The following ADARB2 variants were observed in gnomAD, a reference collection of about 807,000 sequenced individuals.
ADARB2 encodes the protein adenosine deaminase RNA specific B2 (inactive), also known as inactive double-stranded RNA-specific editase B2.
In ADARB2, 25 loss-of-function variants were observed where a neutral mutation model predicts 62.2. The ratio of observed to expected loss-of-function variants is 0.40; its 90% CI spans 0.29 to 0.56. ADARB2 has a LOEUF of 0.56. ADARB2 is among the 20% of genes least tolerant of loss of function. ADARB2 has a pLI of 0.43. For synonymous variants in ADARB2, 572 were observed against 500.8 expected, an observed-to-expected ratio of 1.14 and a Z score of -1.90; for missense variants, 1,071 against 1,077.4, an observed-to-expected ratio of 0.99 and a Z score of 0.08.
At chr10:1,546,249 C>T (rs1355225793) in intron 1 of ADARB2, among the ~76,000 whole-genome samples, 3 of 152,224 alleles carry the variant, frequency 2.0e-5, no homozygotes, top group Non-Finnish European at 4.4e-5. Flanking sequence ...GAGCTCTCCT[C>T]TCCTCTGCGT....
At position 1,692,639 on chromosome 10, in the gene ADARB2, T is replaced by A. The variant is rs75351194; in HGVS notation, c.100+44412A>T. ...ACCTGTCAGATGCTTTATACGTTCA[T>A]AATTAACTGGACTGCTAACAAGGCC... On this transcript the variant is annotated intron_variant, in intron 1 of 9. Coordinates refer to ENST00000381312, the MANE Select transcript of ADARB2 (RefSeq NM_018702.4). Among the ~76,000 whole-genome samples the A allele has an allele frequency of 7.2e-3, 1,093 of 152,304 alleles. 18 individuals are homozygous for A. The highest frequency in any genetic ancestry group is 0.025 in the African/African-American group (1,036 of 41,556).
At chr10:1,266,627 G>A (rs1003149251) in intron 4 of ADARB2, among the ~76,000 whole-genome samples, 6 of 152,140 alleles carry the variant, frequency 3.9e-5, no homozygotes, top group African/African-American at 9.7e-5. Flanking sequence ...GGCCACCACC[G>A]CAGAAGACAC....
At chr10:1,640,867 G>T (rs1833971861) in intron 1 of ADARB2, among the ~76,000 whole-genome samples, 1 of 152,182 alleles carries the variant, frequency 6.6e-6, no homozygotes, top group Non-Finnish European at 1.5e-5. Flanking sequence ...GATATAAGAA[G>T]AAAGCTTAGG....
At chr10:1,433,909 A>T (rs1225414121) in intron 1 of ADARB2, among the ~76,000 whole-genome samples, 1 of 152,248 alleles carries the variant, frequency 6.6e-6, no homozygotes, top group Non-Finnish European at 1.5e-5. Flanking sequence ...GGTGGACCCT[A>T]TATGGTGGCA....
chr10:1,334,015 G>A (rs1005220551), intron 3 of ADARB2, among the ~76,000 whole-genome samples: 33 of 152,194 alleles, frequency 2.2e-4, no homozygotes, highest in South Asian at 2.1e-4. Context: ...CAGACAGGCC[G>A]GAACAACTAG....
At chr10:1,474,017 A>G (rs372602227) in intron 1 of ADARB2, among the ~76,000 whole-genome samples, 80 of 5,954 alleles carry the variant, frequency 0.013, no homozygotes, top group South Asian at 0.047. Flanking sequence ...AGCCCTTGAC[A>G]GGGGGCTGGG....
At chr10:1,278,056 G>C (rs746691597) in intron 3 of ADARB2, among the ~76,000 whole-genome samples, 7 of 151,598 alleles carry the variant, frequency 4.6e-5, no homozygotes, top group Non-Finnish European at 8.8e-5. Flanking sequence ...TGCAACCTCC[G>C]CCTCCCAGGT....
chr10:1,493,340 T>C (rs1831644697), intron 1 of ADARB2, among the ~76,000 whole-genome samples: 1 of 152,244 alleles, frequency 6.6e-6, no homozygotes, highest in Non-Finnish European at 1.5e-5. Flanking sequence ...AGTAGCTTTG[T>C]TCCATCTTTT....
intron 1 of ADARB2, among the ~76,000 whole-genome samples, chr10:1,695,518 G>A (rs923004107): frequency 2.0e-5 from 3 of 152,066 alleles, no homozygotes; most frequent in African/African-American, 7.2e-5. Flanking sequence ...ATATATAGAC[G>A]GTGAGAGTGC....
In ADARB2 at chr10:1,329,929, CTTTTTT is replaced by C. The variant is rs370355543; in HGVS notation, c.1077+33093_1077+33098del. On this transcript the variant is annotated intron_variant, in intron 3 of 9. Transcript: ENST00000381312. Reference sequence around the variant, plus strand: ...TACTAAAGCCAGGTAGAAGAAGTGCCTTTTTTTTTTTTTTTTTTTTTTTTTCTCTTA... The same window carrying C: ...TACTAAAGCCAGGTAGAAGAAGTGCCTTTTTTTTTTTTTTTTTTTCTCTTA... Among the ~76,000 whole-genome samples the C allele has an allele frequency of 5.1e-3, 511 of 100,264 alleles. 3 individuals are homozygous for C. The highest frequency in any genetic ancestry group is 0.016 in the African/African-American group (467 of 29,514). The allele number at this position is 100,264 out of a possible 152,430, so 65.8% of individuals were successfully genotyped here.
rs764528211 is a variant in ADARB2, at chr10:1,183,304, C to T, written c.2109G>A (p.Ala703=). ...GCTGTTTCACAGACTGGTAGGTGTG[C>T]GCCCCCAGCTTGGCCTCACAGTACA... The part of the protein sequence containing the change: ...PSMYCEAKLG[A]HTYQSVKQQL... Residue 703 remains alanine, a synonymous_variant, in exon 10 of 10, where the codon GCG becomes GCA. Coordinates refer to ENST00000381312, the MANE Select transcript of ADARB2 (RefSeq NM_018702.4). 5.6e-6 allele frequency: 9 copies of T among 1,614,128 alleles called. No homozygotes were observed. The highest frequency in any genetic ancestry group is 4.5e-5 in the East Asian group (2 of 44,874).
chr10:1,684,566 CTTT>C (rs1834577550), intron 1 of ADARB2, among the ~76,000 whole-genome samples: 3 of 152,170 alleles, frequency 2.0e-5, no homozygotes, highest in Non-Finnish European at 4.4e-5. Flanking sequence ...TCTAGATTTC[CTTT>C]TTCTCTTGTC....
At chr10:1,568,403 G>A (rs142502299) in intron 1 of ADARB2, among the ~76,000 whole-genome samples, 1 of 152,348 alleles carries the variant, frequency 6.6e-6, no homozygotes, top group Non-Finnish European at 1.5e-5. Context: ...CTGCGGGGCC[G>A]TCTCCGCAGA....
intron 7 of ADARB2, among the ~76,000 whole-genome samples, chr10:1,212,496 A>G (rs967195684): frequency 6.6e-6 from 1 of 152,200 alleles, no homozygotes; most frequent in African/African-American, 2.4e-5. Context: ...AGAGGCTCCG[A>G]GTGGTGGCAC....
rs573367700 is a variant in ADARB2 at position 1,614,889 on chromosome 10, T to C, written c.100+122162A>G. 3.3e-4 allele frequency among the ~76,000 whole-genome samples: 49 copies of C among 149,350 alleles called. No homozygotes were observed. In the East Asian group the frequency reaches 4.9e-3, roughly 15 times the overall value. ...TCGCGCCAGTGCACTCCAGTATGGG[T>C]GACAGAGCGAGACTCTGACTCAAAA... On this transcript the variant is annotated intron_variant, in intron 1 of 9. Transcript: ENST00000381312.
At chr10:1,241,620 C>T (rs2131776663) in intron 5 of ADARB2, among the ~76,000 whole-genome samples, 1 of 152,328 alleles carries the variant, frequency 6.6e-6, no homozygotes, top group East Asian at 1.9e-4. Flanking sequence ...CCCATGACAG[C>T]CACCAATGCC....
intron 1 of ADARB2, among the ~76,000 whole-genome samples, chr10:1,473,683 C>T (rs1831357225): frequency 6.6e-6 from 1 of 152,112 alleles, no homozygotes; most frequent in South Asian, 2.1e-4. Flanking sequence ...CACCTGGCCT[C>T]GGATCTGCAT....
At chr10:1,689,510 G>A (rs1302816223) in intron 1 of ADARB2, among the ~76,000 whole-genome samples, 2 of 152,096 alleles carry the variant, frequency 1.3e-5, no homozygotes, top group East Asian at 3.8e-4. Context: ...ACACATAGGG[G>A]CATCTGTATT....
rs1417247189 is a variant in ADARB2 at position 1,404,887 on chromosome 10, C to T, written c.101-25727G>A. Among the ~76,000 whole-genome samples the T allele has an allele frequency of 3.3e-5, 5 of 152,360 alleles. No homozygotes were observed. In the East Asian group the frequency reaches 5.8e-4, roughly 18 times the overall value. ...CTTGGGTGAATTCCCCGGGAGCTCA[C>T]GCTTTCTACATTGGTCCTTTTCGTT... On this transcript the variant is annotated intron_variant, in intron 1 of 9. Transcript: ENST00000381312.
Sources: gnomAD v4.1 joint callset for allele counts (sites outside exome capture counted in the v4.1 genomes callset) on GRCh38, gnomAD v4.1.1 for gene constraint, MANE v1.5 for transcripts, NCBI Gene and HGNC (gene_info 2026-07-23, HGNC 2026-07-21) for gene names.